MAP7: variants seen among roughly 807,000 people sequenced by gnomAD.
The protein encoded by MAP7 is ensconsin.
In MAP7, 52 loss-of-function variants were observed where a neutral mutation model predicts 94.8. The observed-to-expected ratio is 0.55, with a 90% confidence interval of 0.44 to 0.69. The LOEUF is 0.69. Among genes scored for constraint, MAP7 ranks in the 30% least tolerant of loss-of-function variants. The pLI is 0.00. For synonymous variants in MAP7, 350 were observed against 357.0 expected, an observed-to-expected ratio of 0.98 and a Z score of 0.22; for missense variants, 940 against 964.6, an observed-to-expected ratio of 0.97 and a Z score of 0.34.
intron 1 of MAP7, among the ~76,000 whole-genome samples, chr6:136,505,283 A>ATATG (rs1371893212): frequency 1.7e-5 from 2 of 116,810 alleles, no homozygotes; most frequent in East Asian, 7.4e-4. Context: ...GTGTGTATAT[A>ATATG]TATATATATA....
chr6:136,530,187 A>T (rs558164092), intron 1 of MAP7, among the ~76,000 whole-genome samples: 1 of 152,352 alleles, frequency 6.6e-6, no homozygotes, highest in African/African-American at 2.4e-5. Flanking sequence ...AACATTATTG[A>T]AAGAAAAAAG....
At chr6:136,402,702 C>T (rs936189469) in intron 3 of MAP7, among the ~76,000 whole-genome samples, 3 of 151,970 alleles carry the variant, frequency 2.0e-5, no homozygotes, top group South Asian at 2.1e-4. Flanking sequence ...GTCAGGAGAT[C>T]GAGACCATCC....
chr6:136,516,570 G>A (rs1824905659), intron 1 of MAP7, among the ~76,000 whole-genome samples: 2 of 152,164 alleles, frequency 1.3e-5, no homozygotes, highest in African/African-American at 2.4e-5. Flanking sequence ...CTCCAAGCGA[G>A]ACAGTATCTA....
At chr6:136,426,221 G>C (rs1315070314) in intron 1 of MAP7, among the ~76,000 whole-genome samples, 1 of 152,090 alleles carries the variant, frequency 6.6e-6, no homozygotes, top group Non-Finnish European at 1.5e-5. Flanking sequence ...TCACAAAAAA[G>C]CCAACCCCCT....
chr6:136,373,619 T>C (rs189846686), intron 7 of MAP7, among the ~76,000 whole-genome samples: 4 of 152,326 alleles, frequency 2.6e-5, no homozygotes, highest in Admixed American at 2.6e-4. Flanking sequence ...AAGGTCCATT[T>C]TCAGATCTCA....
At chr6:136,507,705 C>A (rs1821997138) in intron 1 of MAP7, among the ~76,000 whole-genome samples, 1 of 152,146 alleles carries the variant, frequency 6.6e-6, no homozygotes, top group Non-Finnish European at 1.5e-5. Context: ...GGCACAGTTA[C>A]AAGCATGTTT....
At chr6:136,402,905 C>CAAAAAAAAAAAAAAAAAAAAAAAAA (rs57114676) in intron 3 of MAP7, among the ~76,000 whole-genome samples, 1 of 67,396 alleles carries the variant, frequency 1.5e-5, no homozygotes, top group Non-Finnish European at 2.6e-5. Flanking sequence ...GACTCTGTCT[C>CAAAAAAAAAAAAAAAAAAAAAAAAA]AAAAAAAAAA....
chr6:136,466,462 T>TA (rs1807113578), intron 1 of MAP7, among the ~76,000 whole-genome samples: 1 of 152,128 alleles, frequency 6.6e-6, no homozygotes, highest in Non-Finnish European at 1.5e-5. Context: ...GTATGGAAAA[T>TA]AGAGAATGAT....
Position 136,402,935 on chromosome 6 carries a change from A to G in MAP7, c.244+8685T>C, listed in dbSNP as rs1386728845. ...AAAAAAAAAAAAAAAAAAAAAAAAA[A>G]AAAAAAGAAAGAAAAAGAAAAAGAA... On this transcript the variant is annotated intron_variant, in intron 3 of 17. Coordinates refer to ENST00000354570, the MANE Select transcript of MAP7 (RefSeq NM_003980.6). Among the ~76,000 whole-genome samples the G allele has an allele frequency of 4.5e-4, 65 of 143,840 alleles. 1 individual carries two copies. Among genetic ancestry groups the G allele is most frequent in the African/African-American group, 1.6e-3 (61 of 39,308 alleles). The allele number at this position is 143,840 out of a possible 152,430, so 94.4% of individuals were successfully genotyped here.
At chr6:136,530,634 A>G (rs1413974152) in intron 1 of MAP7, among the ~76,000 whole-genome samples, 2 of 125,538 alleles carry the variant, frequency 1.6e-5, no homozygotes, top group Admixed American at 1.6e-4. Flanking sequence ...GAATTATGCC[A>G]CTTACTGATG....
At chr6:136,523,413 G>A (rs1826958276) in intron 1 of MAP7, among the ~76,000 whole-genome samples, 1 of 152,226 alleles carries the variant, frequency 6.6e-6, no homozygotes, top group Non-Finnish European at 1.5e-5. Context: ...TTGTTTCTCA[G>A]TTGCACTAGC....
At chr6:136,355,596 T>C (rs1014688616) in intron 16 of MAP7, among the ~76,000 whole-genome samples, 1 of 151,386 alleles carries the variant, frequency 6.6e-6, no homozygotes, top group African/African-American at 2.4e-5. Flanking sequence ...AAAATTACAT[T>C]ATAAAATGTA....
chr6:136,499,405 G>A (rs979135775), intron 1 of MAP7, among the ~76,000 whole-genome samples: 6 of 152,086 alleles, frequency 3.9e-5, no homozygotes, highest in African/African-American at 1.5e-4. Flanking sequence ...CCCAAGGTAA[G>A]TACTGTTATC....
chr6:136,457,719 C>A (rs920372652), intron 1 of MAP7, among the ~76,000 whole-genome samples: 1 of 152,036 alleles, frequency 6.6e-6, no homozygotes, highest in Admixed American at 6.5e-5. Flanking sequence ...ACCATCTCAA[C>A]AGCTACAGAA....
chr6:136,392,387 GCT>G (rs1781036184), intron 3 of MAP7, among the ~76,000 whole-genome samples: 1 of 78,666 alleles, frequency 1.3e-5, no homozygotes, highest in Non-Finnish European at 2.4e-5. Flanking sequence ...CCTGCATCTT[GCT>G]TTTTTTTTTT....
rs1222935004 is a variant in MAP7 at position 136,464,400 on chromosome 6, C to T, written c.68-42601G>A. On this transcript the variant is annotated intron_variant, in intron 1 of 17. Coordinates refer to ENST00000354570, the MANE Select transcript of MAP7 (RefSeq NM_003980.6). Reference sequence around the variant, plus strand: ...ACAATAAGATATTTTTGAGAGAGAGCGAGACCACATTCACGTAACTCCTAT... The same window carrying T: ...ACAATAAGATATTTTTGAGAGAGAGTGAGACCACATTCACGTAACTCCTAT... 3.3e-5 allele frequency among the ~76,000 whole-genome samples: 5 copies of T among 152,114 alleles called. No homozygotes were observed. The East Asian group carries it at 5.8e-4, about 18-fold the overall frequency.
chr6:136,452,681 T>C (rs1489793920), intron 1 of MAP7, among the ~76,000 whole-genome samples: 3 of 151,992 alleles, frequency 2.0e-5, no homozygotes, highest in African/African-American at 4.8e-5. Flanking sequence ...GCCTCCCGAG[T>C]AGCTATGATT....
rs186322327 is a variant in MAP7, at chr6:136,406,714, G to A, written c.244+4906C>T. 3.9e-3 allele frequency among the ~76,000 whole-genome samples: 586 copies of A among 152,172 alleles called. 5 individuals are homozygous for A. The highest frequency in any genetic ancestry group is 0.014 in the African/African-American group (564 of 41,516). ...CACATGCCTGTAATCCCAGCTACTC[G>A]GGAGGCTGAGGCACGAGAATTGCTT... On this transcript the variant is annotated intron_variant, in intron 3 of 17. Coordinates refer to ENST00000354570, the MANE Select transcript of MAP7 (RefSeq NM_003980.6).
At chr6:136,504,133 A>G (rs560479661) in intron 1 of MAP7, among the ~76,000 whole-genome samples, 4 of 152,294 alleles carry the variant, frequency 2.6e-5, no homozygotes, top group African/African-American at 7.2e-5. Context: ...GACATAATTT[A>G]TGTCAATTTA....
Sources: allele counts gnomAD v4.1 joint callset (sites outside exome capture counted in the v4.1 genomes callset), GRCh38; gene constraint gnomAD v4.1.1; transcripts MANE v1.5; gene names NCBI Gene and HGNC (gene_info 2026-07-23, HGNC 2026-07-21).